Variants in WARS2 observed in about 807,000 individuals in gnomAD.
The protein encoded by WARS2 is tryptophanyl tRNA synthetase 2, mitochondrial, also known as tryptophan--tRNA ligase, mitochondrial.
In WARS2, 28 loss-of-function variants were observed where a neutral mutation model predicts 36.5. The ratio of observed to expected loss-of-function variants is 0.77; its 90% CI spans 0.57 to 1.05. The LOEUF (loss-of-function observed/expected upper bound fraction) is 1.05. WARS2 is among the 50% of genes least tolerant of loss of function. The pLI is 0.00. For synonymous variants in WARS2, 174 were observed against 178.4 expected (o/e 0.98, Z 0.20); for missense variants, 435 against 456.8 (o/e 0.95, Z 0.44).
At chr1:119,128,333 AG>A (rs1484568917) in intron 1 of WARS2, among the ~76,000 whole-genome samples, 2 of 152,110 alleles carry the variant, frequency 1.3e-5, no homozygotes, top group Admixed American at 6.5e-5. Flanking sequence ...AGCCTCCCAA[AG>A]TGCTGGGATT....
chr1:119,114,142 G>A (rs1654818625), intron 1 of WARS2, among the ~76,000 whole-genome samples: 1 of 152,172 alleles, frequency 6.6e-6, no homozygotes, highest in African/African-American at 2.4e-5. Context: ...ACTCAGGTAG[G>A]AGATGGTGGG....
rs1048640782 is a variant in WARS2 at position 119,085,571 on chromosome 1, G to A, written c.91-8964C>T. On this transcript the variant is annotated intron_variant, in intron 1 of 5. Coordinates refer to ENST00000235521, the MANE Select transcript of WARS2 (RefSeq NM_015836.4). The stretch of plus-strand genomic sequence containing the variant: ...CACAGCCCTTCTCCTGGAGCTCTTT[G>A]GTCACATCATCCATTTCTTCTGAGT... The A allele has an allele frequency of 2.1e-5, 34 of 1,593,696 alleles. No individual in the cohort carries two copies. In the African/African-American group the frequency reaches 4.6e-4, roughly 21 times the overall value.
At chr1:119,123,344 T>G (rs928768594) in intron 1 of WARS2, among the ~76,000 whole-genome samples, 4 of 152,190 alleles carry the variant, frequency 2.6e-5, no homozygotes, top group African/African-American at 9.6e-5. Flanking sequence ...AGATGGATCT[T>G]TGGGTAATGA....
At chr1:119,134,148 G>A (rs1238381128) in intron 1 of WARS2, among the ~76,000 whole-genome samples, 1 of 151,816 alleles carries the variant, frequency 6.6e-6, no homozygotes, top group African/African-American at 2.4e-5. Flanking sequence ...TCCATCCTCA[G>A]TGAGTCACAA....
chr1:119,070,415 G>A (rs887181197), intron 2 of WARS2, among the ~76,000 whole-genome samples: 5 of 151,968 alleles, frequency 3.3e-5, no homozygotes, highest in African/African-American at 1.2e-4. Flanking sequence ...ACAGGCGTGC[G>A]ACACCACGCC....
chr1:119,038,290 C>A (rs1291817443), intron 4 of WARS2, among the ~76,000 whole-genome samples: 6 of 152,150 alleles, frequency 3.9e-5, no homozygotes, highest in Non-Finnish European at 7.4e-5. Context: ...AAATGAGTAG[C>A]TTCCTGCATC....
intron 1 of WARS2, chr1:119,085,119 C>T (rs1467896038): frequency 2.0e-5 from 16 of 782,192 alleles, no homozygotes; most frequent in South Asian, 1.6e-4. Context: ...CCCTTCAGAA[C>T]GCCCGTTGTA....
intron 1 of WARS2, among the ~76,000 whole-genome samples, chr1:119,097,953 G>A (rs969612930): frequency 1.3e-5 from 2 of 152,044 alleles, no homozygotes; most frequent in African/African-American, 4.8e-5. Context: ...TATCCCAGCT[G>A]GCCATCTTTC....
intron 1 of WARS2, among the ~76,000 whole-genome samples, chr1:119,131,352 A>G (rs1158791840): frequency 6.6e-6 from 1 of 152,160 alleles, no homozygotes. Flanking sequence ...AAAAGGGAGT[A>G]GCTCCGAGGA....
intron 2 of WARS2, among the ~76,000 whole-genome samples, chr1:119,050,850 T>C (rs1649292700): frequency 6.6e-6 from 1 of 151,950 alleles, no homozygotes; most frequent in Non-Finnish European, 1.5e-5. Flanking sequence ...TGCCTGGGAA[T>C]AGAGGAAAGA....
At chr1:119,059,491 A>G (rs921859451) in intron 2 of WARS2, among the ~76,000 whole-genome samples, 2 of 152,146 alleles carry the variant, frequency 1.3e-5, no homozygotes, top group African/African-American at 4.8e-5. Context: ...TATAAGGTGT[A>G]AGGAAGGGAT....
chr1:119,045,605 A>G lies in WARS2; in HGVS notation c.406T>C (p.Leu136=). 6.3e-7 allele frequency: 1 copy of G among 1,595,034 alleles called. No homozygotes were observed. The highest frequency in any genetic ancestry group is 1.1e-5 in the South Asian group (1 of 88,844). Residue 136 remains leucine (L), a synonymous_variant, in exon 3 of 6, where the codon TTA becomes CTA. Transcript: ENST00000235521. ...ACCTTCCACTGATGTAAATGTTGTAATCGAGGTAGTCTGACCATGCAGGAA... is the reference window on the plus strand; with the variant it reads ...ACCTTCCACTGATGTAAATGTTGTAGTCGAGGTAGTCTGACCATGCAGGAA... ...ILSCMVRLPR[L]QHLHQWKAKT...
At chr1:119,112,249 T>C (rs927618330) in intron 1 of WARS2, among the ~76,000 whole-genome samples, 1 of 152,148 alleles carries the variant, frequency 6.6e-6, no homozygotes, top group Non-Finnish European at 1.5e-5. Context: ...GTTGTTAGGA[T>C]GAAGTGGAGA....
intron 1 of WARS2, among the ~76,000 whole-genome samples, chr1:119,138,129 C>T (rs1656643963): frequency 1.3e-5 from 2 of 152,120 alleles, no homozygotes; most frequent in African/African-American, 2.4e-5. Context: ...ATACTATACT[C>T]TTGCAAAATA....
chr1:119,089,190 A>C (rs889507065), intron 1 of WARS2, among the ~76,000 whole-genome samples: 2 of 152,200 alleles, frequency 1.3e-5, no homozygotes, highest in Non-Finnish European at 2.9e-5. Context: ...AATAGTTTAC[A>C]AAAAAGGGAA....
At chr1:119,075,350 A>G (rs1651648781) in intron 2 of WARS2, among the ~76,000 whole-genome samples, 1 of 152,174 alleles carries the variant, frequency 6.6e-6, no homozygotes, top group African/African-American at 2.4e-5. Context: ...GGTTATATGC[A>G]AATATGATTC....
intron 1 of WARS2, among the ~76,000 whole-genome samples, chr1:119,100,291 T>C (rs587699655): frequency 3.3e-5 from 5 of 152,076 alleles, no homozygotes; most frequent in East Asian, 1.9e-4. Flanking sequence ...TAGAAAATAA[T>C]GGATGTTGGT....
chr1:119,065,282 G>A (rs1650734464), intron 2 of WARS2, among the ~76,000 whole-genome samples: 1 of 152,078 alleles, frequency 6.6e-6, no homozygotes, highest in South Asian at 2.1e-4. Context: ...ATATTAGAAA[G>A]AAGAATGGCT....
chr1:119,084,768 G>C (rs1652494241), intron 1 of WARS2, among the ~76,000 whole-genome samples: 1 of 152,114 alleles, frequency 6.6e-6, no homozygotes. Flanking sequence ...CCATATTTAT[G>C]AATCAACATT....
Sources: gnomAD v4.1 joint callset for allele counts (sites outside exome capture counted in the v4.1 genomes callset) on GRCh38, gnomAD v4.1.1 for gene constraint, MANE v1.5 for transcripts, NCBI Gene and HGNC (gene_info 2026-07-23, HGNC 2026-07-21) for gene names.